The following NVL variants were observed in gnomAD, a reference collection of about 807,000 sequenced individuals.
NVL encodes nuclear valosin-containing protein-like.
Under a neutral mutation model 110.2 loss-of-function variants are expected in NVL, and 84 were observed. The observed-to-expected ratio is 0.76, with a 90% CI of 0.64 to 0.91. The LOEUF (loss-of-function observed/expected upper bound fraction) is 0.91. Ranked by LOEUF, NVL falls within the 40% of genes least tolerant of loss-of-function variation. The probability of loss-of-function intolerance (pLI) is 0.00; values close to 1 mark genes in which losing one functional copy is unlikely to be tolerated. For synonymous variants in NVL, 354 were observed against 361.1 expected (o/e 0.98, Z 0.22); for missense variants, 882 against 1,035.9 (o/e 0.85, Z 2.04).
chr1:224,285,520 T>C (rs1666776237), intron 15 of NVL, among the ~76,000 whole-genome samples: 1 of 152,154 alleles, frequency 6.6e-6, no homozygotes, highest in African/African-American at 2.4e-5. Flanking sequence ...TTGATATGTA[T>C]GCATAGAAAA....
chr1:224,295,729 G>A (rs1050993292), intron 11 of NVL, among the ~76,000 whole-genome samples: 3 of 150,924 alleles, frequency 2.0e-5, no homozygotes, highest in Admixed American at 1.3e-4. Flanking sequence ...TGTAATCCCA[G>A]CACTTCAGGA....
intron 19 of NVL, among the ~76,000 whole-genome samples, chr1:224,245,455 A>T (rs1661696392): frequency 6.6e-6 from 1 of 152,234 alleles, no homozygotes; most frequent in Non-Finnish European, 1.5e-5. Flanking sequence ...ACGCAGGCAG[A>T]CAGGGCACAG....
intron 13 of NVL, 47 bp from the exon 14 acceptor site, chr1:224,288,040 A>T: frequency 4.3e-6 from 6 of 1,390,402 alleles, no homozygotes; most frequent in Non-Finnish European, 6.1e-6. Flanking sequence ...ACACCACAAC[A>T]GCTATTGAAA....
intron 17 of NVL, among the ~76,000 whole-genome samples, 190 bp from the exon 18 acceptor site, chr1:224,268,323 A>G (rs1664702321): frequency 6.9e-6 from 1 of 144,744 alleles, no homozygotes; most frequent in African/African-American, 2.9e-5. Context: ...TCCTATTATT[A>G]TCCAGTCTAA....
chr1:224,294,574 G>C (rs931306381), intron 11 of NVL, among the ~76,000 whole-genome samples, 163 bp from the exon 12 acceptor site: 2 of 152,188 alleles, frequency 1.3e-5, no homozygotes, highest in East Asian at 3.9e-4. Context: ...AAAGGTGTGA[G>C]GAGGATAAAT....
chr1:224,255,420 C>T (rs1278245732), intron 18 of NVL, among the ~76,000 whole-genome samples: 4 of 151,896 alleles, frequency 2.6e-5, no homozygotes, highest in African/African-American at 9.7e-5. Flanking sequence ...TCTCGATCTC[C>T]TGACCTTGTG....
intron 1 of NVL, among the ~76,000 whole-genome samples, chr1:224,329,094 C>T (rs911785505): frequency 6.6e-6 from 1 of 151,820 alleles, no homozygotes; most frequent in African/African-American, 2.4e-5. Flanking sequence ...ACCTGTAGTC[C>T]CAGCTACTGG....
At position 224,308,032 on chromosome 1, in the gene NVL, A is replaced by G; in HGVS notation, c.574T>C (p.Cys192Arg). The G allele has an allele frequency of 1.3e-6, 2 of 1,567,952 alleles. No homozygotes were observed. Among genetic ancestry groups the G allele is most frequent in the Non-Finnish European group, 1.7e-6 (2 of 1,160,588 alleles). The change falls in exon 6 of 23, where the codon TGT becomes CGT. Residue 192 changes from cysteine (C) to arginine (R), a missense_variant. This residue lies in a region of NVL where 274 missense variants were observed against 268.4 expected (regional missense o/e 1.02). Coordinates refer to ENST00000281701, the MANE Select transcript of NVL (RefSeq NM_002533.4). ...GGCTTCTTAGGATTACTTTTCTCAC[A>G]TGACAGGTCCAAGAAAAAACTGTCT... ...KKDSFFLDLS[C>R]EKSNPKKPIT...
At chr1:224,327,858 G>A (rs1671288658) in intron 1 of NVL, among the ~76,000 whole-genome samples, 2 of 151,718 alleles carry the variant, frequency 1.3e-5, no homozygotes, top group Non-Finnish European at 2.9e-5. Context: ...GGAACATCCA[G>A]AGGAAGAGTA....
At chr1:224,281,346 G>A (rs1666305389) in intron 15 of NVL, among the ~76,000 whole-genome samples, 161 bp from the exon 16 acceptor site, 1 of 151,322 alleles carries the variant, frequency 6.6e-6, no homozygotes, top group South Asian at 2.1e-4. Context: ...TGTCGCCCAG[G>A]ATGAAGTGCA....
chr1:224,248,492 G>A (rs189219020), intron 19 of NVL, among the ~76,000 whole-genome samples: 1 of 152,244 alleles, frequency 6.6e-6, no homozygotes, highest in East Asian at 1.9e-4. Flanking sequence ...CCTCCTCGGG[G>A]TGATTTTTAG....
At chr1:224,306,061 T>G (rs1668884985) in intron 6 of NVL, among the ~76,000 whole-genome samples, 1 of 152,204 alleles carries the variant, frequency 6.6e-6, no homozygotes, top group African/African-American at 2.4e-5. Context: ...ATTCACTAAA[T>G]TAAATATAAC....
At chr1:224,253,194 C>T (rs1184732586) in intron 18 of NVL, among the ~76,000 whole-genome samples, 2 of 151,538 alleles carry the variant, frequency 1.3e-5, no homozygotes, top group East Asian at 2.0e-4. Flanking sequence ...ACAAGTGTGC[C>T]CCCCTGCCCC....
intron 19 of NVL, among the ~76,000 whole-genome samples, chr1:224,238,913 C>T (rs943025383): frequency 1.3e-5 from 2 of 152,160 alleles, no homozygotes; most frequent in Non-Finnish European, 2.9e-5. Context: ...TTGTATCACC[C>T]CTATCCGGCT....
chr1:224,272,071 C>T (rs898763530), intron 17 of NVL, among the ~76,000 whole-genome samples: 3 of 151,802 alleles, frequency 2.0e-5, no homozygotes, highest in Non-Finnish European at 4.4e-5. Context: ...CATGGTGGCT[C>T]ATGCCTGTAA....
chr1:224,290,303 G>T (rs150402947), intron 12 of NVL, among the ~76,000 whole-genome samples: 6 of 152,260 alleles, frequency 3.9e-5, no homozygotes, highest in Non-Finnish European at 7.4e-5. Context: ...TGTTATTAAA[G>T]GAATATCTTG....
intron 5 of NVL, among the ~76,000 whole-genome samples, chr1:224,309,977 C>T (rs1367933931): frequency 2.6e-5 from 4 of 151,334 alleles, no homozygotes; most frequent in Middle Eastern, 3.2e-3. Flanking sequence ...TGCAGTGAGC[C>T]GAGATGACAC....
At chr1:224,275,504 GT>G (rs1242039245) in intron 16 of NVL, 46 bp from the exon 17 acceptor site, 2 of 1,612,308 alleles carry the variant, frequency 1.2e-6, no homozygotes, top group African/African-American at 2.7e-5. Context: ...GTTCAACTTT[GT>G]GGTTTGGGTC....
intron 18 of NVL, among the ~76,000 whole-genome samples, chr1:224,259,701 C>T (rs1175080703): frequency 6.6e-6 from 1 of 152,154 alleles, no homozygotes; most frequent in African/African-American, 2.4e-5. Context: ...GTTGCCCAAG[C>T]TGGAGTGCAG....
Sources: gnomAD v4.1 joint callset for allele counts (sites outside exome capture counted in the v4.1 genomes callset) on GRCh38, gnomAD v4.1.1 for gene constraint, gnomAD v4.1.1 regional missense constraint, MANE v1.5 for transcripts, NCBI Gene and HGNC (gene_info 2026-07-23, HGNC 2026-07-21) for gene names.